The following SCN3A variants were observed in gnomAD, a reference collection of about 807,000 sequenced individuals.
SCN3A encodes the protein sodium voltage-gated channel alpha subunit 3.
SCN3A carries 60 observed loss-of-function variants against 187.6 expected under a neutral mutation model. The observed-to-expected ratio is 0.32, with a 90% CI of 0.26 to 0.40. SCN3A has a LOEUF of 0.40. Ranked by LOEUF, SCN3A falls within the 10% of genes least tolerant of loss-of-function variation. The pLI is 1.00. For missense variants in SCN3A, 1,601 were observed against 2,428.2 expected (o/e 0.66, Z 7.16); for synonymous variants, 788 against 829.2 (o/e 0.95, Z 0.85).
intron 3 of SCN3A, among the ~76,000 whole-genome samples, chr2:165,172,770 T>C (rs1319810336): frequency 6.6e-6 from 1 of 152,114 alleles, no homozygotes; most frequent in Non-Finnish European, 1.5e-5. Context: ...GAATTACAGC[T>C]GACATGCTAA....
At chr2:165,171,970 C>T (rs1328453409) in intron 3 of SCN3A, among the ~76,000 whole-genome samples, 1 of 152,024 alleles carries the variant, frequency 6.6e-6, no homozygotes, top group Non-Finnish European at 1.5e-5. Flanking sequence ...TCTGTATATC[C>T]ATTTACTTAA....
intron 11 of SCN3A, among the ~76,000 whole-genome samples, chr2:165,151,566 G>C (rs1305456944): frequency 6.6e-6 from 1 of 152,182 alleles, no homozygotes; most frequent in Non-Finnish European, 1.5e-5. Context: ...GGAAAAGCAA[G>C]CAAGTCAGTT....
At position 165,088,595 on chromosome 2, in the gene SCN3A, T is replaced by C. The variant is rs994254397; in HGVS notation, c.*1555A>G. 10 of 152,534 alleles carry C rather than the reference T, an allele frequency of 6.6e-5. No individual in the cohort carries two copies. Among genetic ancestry groups the C allele is most frequent in the African/African-American group, 2.4e-4 (10 of 41,454 alleles). The allele number at this position is 152,534 out of a possible 1,614,324, so 9.4% of individuals were successfully genotyped here. A position where few individuals can be genotyped will look rare whatever the true frequency, so the allele number is the denominator to read the frequency against. On this transcript the variant is annotated 3_prime_UTR_variant, in exon 28 of 28. Transcript: ENST00000283254. ...ACAAAGAAATCCATAAAACCCATTA[T>C]CTAACTTTTATTTTAGGAAATTATC...
At chr2:165,098,676 AAT>A (rs1685469398) in intron 22 of SCN3A, among the ~76,000 whole-genome samples, 1 of 152,198 alleles carries the variant, frequency 6.6e-6, no homozygotes, top group South Asian at 2.1e-4. Context: ...ACAATAACAA[AAT>A]AAGGCGGGTT....
intron 10 of SCN3A, 135 bp downstream of exon 10, chr2:165,155,627 G>A (rs143344297): frequency 2.2e-6 from 2 of 914,722 alleles, no homozygotes; most frequent in East Asian, 2.6e-5. Flanking sequence ...TCGAATTCCT[G>A]GACTCAAGTG....
At chr2:165,169,165 A>G (rs11900379) in intron 4 of SCN3A, among the ~76,000 whole-genome samples, 34,276 of 151,760 alleles carry the variant, frequency 0.23, 5,064 homozygotes, top group East Asian at 0.52. Context: ...ATAAGTGTAA[A>G]AGGTGTACTT....
intron 22 of SCN3A, among the ~76,000 whole-genome samples, chr2:165,099,740 A>C (rs1482497870): frequency 7.2e-5 from 11 of 152,060 alleles, no homozygotes; most frequent in Non-Finnish European, 1.0e-4. Flanking sequence ...AAACAAAAAA[A>C]CCAAAAAACT....
rs1286452713 is a variant in SCN3A at position 165,146,378 on chromosome 2, ATATATGTGTG to A, written c.1671+351_1671+360del. 7.1e-3 allele frequency among the ~76,000 whole-genome samples: 975 copies of A among 137,452 alleles called. 17 individuals are homozygous for A. The highest frequency in any genetic ancestry group is 0.027 in the African/African-American group (875 of 32,746). The allele number at this position is 137,452 out of a possible 152,430, so 90.2% of individuals were successfully genotyped here. ...GTCTGCTAGTGTAGGTTATATATATATATATGTGTGTGTGTGTGTGTGTGTGTGTGTGTGT... is the reference window on the plus strand; with the variant it reads ...GTCTGCTAGTGTAGGTTATATATATATGTGTGTGTGTGTGTGTGTGTGTGT... On this transcript the variant is annotated intron_variant, in intron 12 of 27. Coordinates refer to ENST00000283254, the MANE Select transcript of SCN3A (RefSeq NM_006922.4).
intron 11 of SCN3A, 54 bp downstream of exon 11, chr2:165,154,395 TTTC>T: frequency 6.4e-7 from 1 of 1,562,152 alleles, no homozygotes; most frequent in South Asian, 1.1e-5. Context: ...TATAACACTA[TTTC>T]TACTTAGAAA....
chr2:165,196,376 A>C (rs991917615), intron 1 of SCN3A, among the ~76,000 whole-genome samples: 7 of 152,134 alleles, frequency 4.6e-5, no homozygotes, highest in African/African-American at 1.7e-4. Flanking sequence ...TTGAGATTTA[A>C]CAGATATTTT....
intron 9 of SCN3A, among the ~76,000 whole-genome samples, chr2:165,158,581 C>T (rs1465111087): frequency 7.3e-6 from 1 of 136,884 alleles, no homozygotes; most frequent in Non-Finnish European, 1.5e-5. Flanking sequence ...CACCATGAAC[C>T]CCTGGAAAAC....
intron 2 of SCN3A, among the ~76,000 whole-genome samples, chr2:165,184,702 G>A (rs1691116451): frequency 6.6e-6 from 1 of 152,038 alleles, no homozygotes; most frequent in South Asian, 2.1e-4. Context: ...AAAGCAAACA[G>A]GAATGAATTA....
chr2:165,162,359 A>T lies in SCN3A; in HGVS notation c.980T>A (p.Val327Asp). Reference protein sequence around the residue: ...DYIGDDSHFYVLDGQKDPLLC... With the variant: ...DYIGDDSHFYDLDGQKDPLLC... ...TAAAGGGTCTTTTTGCCCATCCAAAACATAAAAGTGACCTGTTAATACAAA... is the reference window on the plus strand; with the variant it reads ...TAAAGGGTCTTTTTGCCCATCCAAATCATAAAAGTGACCTGTTAATACAAA... Residue 327 changes from valine (V) to aspartate (D), a missense_variant, in exon 9 of 28, where the codon GTT becomes GAT. Around this residue, in one of 11 missense-constraint regions of SCN3A, gnomAD observed 104 missense variants for 102.7 expected, o/e 1.01. Coordinates refer to ENST00000283254, the MANE Select transcript of SCN3A (RefSeq NM_006922.4). 1 of 1,613,756 alleles carries T rather than the reference A, an allele frequency of 6.2e-7. No homozygotes were observed. The highest frequency in any genetic ancestry group is 8.5e-7 in the Non-Finnish European group (1 of 1,179,850).
intron 21 of SCN3A, among the ~76,000 whole-genome samples, chr2:165,104,567 G>A (rs1341768834): frequency 1.3e-5 from 2 of 150,670 alleles, no homozygotes; most frequent in African/African-American, 4.9e-5. Context: ...AAAAAGCCCG[G>A]AATATTTTTA....
Position 165,140,609 on chromosome 2 carries a change from T to C in SCN3A, c.2019+42A>G, listed in dbSNP as rs747199463. On this transcript the variant is annotated intron_variant, in intron 13 of 27. Transcript: ENST00000283254. This position sits in a 1 kb window ranked among gnomAD's most constrained non-coding sequence, Gnocchi z 4.2. ...CTGTCCAGGCTTTGATTATTTCAAA[T>C]TGGTGAATAATGTCAGTAGCAGCTA... 2 of 1,546,470 alleles carry C rather than the reference T, an allele frequency of 1.3e-6. No individual in the cohort carries two copies. Among genetic ancestry groups the C allele is most frequent in the East Asian group, 2.2e-5 (1 of 44,540 alleles).
Position 165,090,310 on chromosome 2 carries a change from T to G in SCN3A, c.5843A>C (p.Lys1948Thr), listed in dbSNP as rs189059609. ...LPIKQDMIIDKLNGNSTPEKT... is the reference protein window; with the variant it reads ...LPIKQDMIIDTLNGNSTPEKT... ...TTCTGGAGTGGAGTTCCCATTTAGT[T>G]TGTCAATAATCATGTCTTGTTTTAT... The change falls in exon 28 of 28, where the codon AAA (lysine) becomes ACA (threonine). Residue 1948 changes from lysine to threonine, a missense_variant. Lys to Thr is a moderately conservative substitution (Grantham distance 78, BLOSUM62 -1). Transcript: ENST00000283254. This position sits in a 1 kb window ranked among gnomAD's most constrained non-coding sequence, Gnocchi z 4.0. 112 of 1,613,574 alleles carry G rather than the reference T, an allele frequency of 6.9e-5. No individual in the cohort carries two copies. In the East Asian group the frequency reaches 2.5e-3, roughly 36 times the overall value.
chr2:165,094,310 A>G (rs1574095365), intron 26 of SCN3A, 64 bp downstream of exon 26: 1 of 1,118,286 alleles, frequency 8.9e-7, no homozygotes. Context: ...GCTCCAGAGC[A>G]TTGCTCAATT....
At chr2:165,137,053 T>C (rs1687709848) in intron 15 of SCN3A, among the ~76,000 whole-genome samples, 1 of 152,104 alleles carries the variant, frequency 6.6e-6, no homozygotes, top group African/African-American at 2.4e-5. Flanking sequence ...TGCTTTTCAG[T>C]GTAGAGGTTG....
chr2:165,133,241 A>G (rs1215622466), intron 15 of SCN3A, among the ~76,000 whole-genome samples: 1 of 152,246 alleles, frequency 6.6e-6, no homozygotes, highest in Non-Finnish European at 1.5e-5. Flanking sequence ...TCAGGGATCT[A>G]GAACTAGAAA....
Sources: allele counts gnomAD v4.1 joint callset (sites outside exome capture counted in the v4.1 genomes callset), GRCh38; gene constraint gnomAD v4.1.1; regional missense constraint gnomAD v4.1.1; non-coding constraint Gnocchi (gnomAD v3.1); transcripts MANE v1.5; gene names NCBI Gene and HGNC (gene_info 2026-07-23, HGNC 2026-07-21).